The following CACNA1D variants were observed in gnomAD, a reference collection of about 807,000 sequenced individuals.
CACNA1D encodes the protein calcium voltage-gated channel subunit alpha1 D.
In CACNA1D, 55 loss-of-function variants were observed where a neutral mutation model predicts 257.1. The observed-to-expected ratio is 0.21, with a 90% CI of 0.17 to 0.27. CACNA1D has a LOEUF of 0.27. Among genes scored for constraint, CACNA1D ranks in the 10% least tolerant of loss-of-function variants. CACNA1D has a pLI of 1.00. For synonymous variants in CACNA1D, 980 were observed against 1,014.9 expected, an observed-to-expected ratio of 0.97 and a Z score of 0.65; for missense variants, 1,876 against 2,784.0, an observed-to-expected ratio of 0.67 and a Z score of 7.34.
intron 3 of CACNA1D, among the ~76,000 whole-genome samples, chr3:53,650,220 A>AT (rs1290986927): frequency 6.6e-6 from 1 of 152,224 alleles, no homozygotes; most frequent in Admixed American, 6.5e-5. Flanking sequence ...AAAAACTTAT[A>AT]TCCAGAGGAG....
At chr3:53,790,674 G>C (rs1012304600) in intron 40 of CACNA1D, among the ~76,000 whole-genome samples, 3 of 152,236 alleles carry the variant, frequency 2.0e-5, no homozygotes, top group African/African-American at 7.2e-5. Flanking sequence ...GGAGATGTGG[G>C]TGGTATATAA....
Position 53,650,796 on chromosome 3 carries a change from C to G in CACNA1D, c.501C>G (p.Ala167=). Residue 167 remains alanine (A), a synonymous_variant, in exon 4 of 48, where the codon GCC becomes GCG. Transcript: ENST00000350061. ...CTTCACAGGAAAAAGTAGAATATGC[C>G]TTCCTGATTATTTTTACAGTCGAGA... ...TNHNLEKVEY[A]FLIIFTVETF... is the part of the protein sequence containing the mutation. 1 of 1,613,972 alleles carries G rather than the reference C, an allele frequency of 6.2e-7. No homozygotes were observed. Among genetic ancestry groups the G allele is most frequent in the Non-Finnish European group, 8.5e-7 (1 of 1,179,942 alleles).
chr3:53,678,040 A>C (rs765076259), intron 8 of CACNA1D, among the ~76,000 whole-genome samples: 12 of 152,262 alleles, frequency 7.9e-5, no homozygotes, highest in Non-Finnish European at 1.2e-4. Flanking sequence ...GCAAGAAAAG[A>C]ATCGAATCAA....
Position 53,662,431 on chromosome 3 carries a change from C to A in CACNA1D, c.766+2156C>A, listed in dbSNP as rs114269554. ...TACTGTGCTGCTCACTGTTTAACTT[C>A]TTACCTTCTCTTTCCCTGTCCTTCC... On this transcript the variant is annotated intron_variant, in intron 5 of 47. Coordinates refer to ENST00000350061, the MANE Select transcript of CACNA1D (RefSeq NM_001128840.3). Among the ~76,000 whole-genome samples the A allele has an allele frequency of 3.4e-3, 514 of 152,288 alleles. 6 individuals carry two copies. Among genetic ancestry groups the A allele is most frequent in the African/African-American group, 0.012 (489 of 41,562 alleles).
Position 53,774,507 on chromosome 3 carries a change from GAGTT to G in CACNA1D, c.4111-75_4111-72del. ...ACCCTAGCTGGTAAAGATCAAACCTGAGTTAGTTCTAAATTCACATACGGATTTT... is the reference window on the plus strand; with the variant it reads ...ACCCTAGCTGGTAAAGATCAAACCTGAGTTCTAAATTCACATACGGATTTT... On this transcript the variant is annotated intron_variant, in intron 33 of 47. Coordinates refer to ENST00000350061, the MANE Select transcript of CACNA1D (RefSeq NM_001128840.3). This position sits in a 1 kb window ranked among gnomAD's most constrained non-coding sequence, Gnocchi z 4.3. 1.2e-6 allele frequency: 1 copy of G among 850,988 alleles called. No homozygotes were observed. The highest frequency in any genetic ancestry group is 2.4e-5 in the East Asian group (1 of 41,406). The allele number at this position is 850,988 out of a possible 1,614,324, so 52.7% of individuals were successfully genotyped here. A position where few individuals can be genotyped will look rare whatever the true frequency, so the allele number is the denominator to read the frequency against.
intron 9 of CACNA1D, among the ~76,000 whole-genome samples, chr3:53,709,922 C>T (rs2094732244): frequency 6.6e-6 from 1 of 152,198 alleles, no homozygotes; most frequent in Non-Finnish European, 1.5e-5. Flanking sequence ...TATCAGGTAA[C>T]CTGTCCACAG....
chr3:53,597,392 G>A (rs2093383952), intron 3 of CACNA1D, among the ~76,000 whole-genome samples: 1 of 152,346 alleles, frequency 6.6e-6, no homozygotes, highest in South Asian at 2.1e-4. Context: ...AGGGTGAGCA[G>A]TTTGCTCAAG....
chr3:53,561,846 T>C (rs1042328252), intron 3 of CACNA1D, among the ~76,000 whole-genome samples: 14 of 152,258 alleles, frequency 9.2e-5, no homozygotes, highest in African/African-American at 3.1e-4. Context: ...TGTTATAATA[T>C]GAAAATGTTC....
chr3:53,777,353 AGCTGAGCCTTCTCTGTCCT>A (rs1203177163), intron 37 of CACNA1D, among the ~76,000 whole-genome samples: 1 of 152,202 alleles, frequency 6.6e-6, no homozygotes, highest in Non-Finnish European at 1.5e-5. Flanking sequence ...CCCAGGTACA[AGCTGAGCCTTCTCTGTCCT>A]GCTGAGGTCC....
intron 8 of CACNA1D, among the ~76,000 whole-genome samples, chr3:53,690,589 C>T (rs1412468679): frequency 2.0e-5 from 3 of 152,178 alleles, no homozygotes; most frequent in African/African-American, 7.2e-5. Context: ...GTGGGCACTC[C>T]CCCTGCGGGG....
intron 3 of CACNA1D, among the ~76,000 whole-genome samples, chr3:53,555,645 C>T (rs1169822036): frequency 6.6e-6 from 1 of 152,036 alleles, no homozygotes; most frequent in East Asian, 1.9e-4. Context: ...GTCCATTTCT[C>T]ACCACCCCCT....
chr3:53,704,579 A>G (rs1483103453), intron 9 of CACNA1D, among the ~76,000 whole-genome samples: 1 of 152,218 alleles, frequency 6.6e-6, no homozygotes, highest in Non-Finnish European at 1.5e-5. Context: ...CAGTTGAGCC[A>G]ACGTGAACCC....
intron 30 of CACNA1D, among the ~76,000 whole-genome samples, chr3:53,763,051 G>C (rs1478659843): frequency 6.6e-6 from 1 of 152,202 alleles, no homozygotes; most frequent in Admixed American, 6.5e-5. Flanking sequence ...GAGGGCACAG[G>C]CAGGAGACCC....
intron 8 of CACNA1D, among the ~76,000 whole-genome samples, chr3:53,693,189 T>C (rs1443530479): frequency 6.6e-6 from 1 of 152,256 alleles, no homozygotes; most frequent in Non-Finnish European, 1.5e-5. Flanking sequence ...TCATGACTGC[T>C]GCTGGAGAAT....
chr3:53,607,092 G>A (rs2093520328), intron 3 of CACNA1D, among the ~76,000 whole-genome samples: 1 of 152,134 alleles, frequency 6.6e-6, no homozygotes, highest in Non-Finnish European at 1.5e-5. Flanking sequence ...AAAATAACCA[G>A]GTTTTGGCTA....
chr3:53,555,454 GTGTGTGTTTTT>G (rs1244659292), intron 3 of CACNA1D, among the ~76,000 whole-genome samples: 1 of 106,582 alleles, frequency 9.4e-6, no homozygotes, highest in Non-Finnish European at 1.9e-5. Context: ...GTGTGTGTGT[GTGTGTGTTTTT>G]TTTTTTTTTT....
At position 53,786,921 on chromosome 3, in the gene CACNA1D, A is replaced by G. The variant is rs759078326; in HGVS notation, c.4892A>G (p.Tyr1631Cys). 2.5e-6 allele frequency: 4 copies of G among 1,614,052 alleles called. No individual in the cohort carries two copies. The Admixed American group carries it at 5.0e-5, about 20-fold the overall frequency. The change falls in exon 40 of 48, where the codon TAC (tyrosine) becomes TGC (cysteine). Residue 1631 changes from tyrosine (Y) to cysteine (C), a missense_variant. Around this residue, in one of 10 missense-constraint regions of CACNA1D, gnomAD observed 160 missense variants for 236.6 expected, o/e 0.68. Transcript: ENST00000350061. ...KRKEQGLVGK[Y>C]PAKNTTIALQ... The stretch of plus-strand genomic sequence containing the variant: ...AAAGAACAAGGACTGGTGGGAAAGT[A>G]CCCTGCGAAGAACACCACAATTGCC...
At chr3:53,659,609 A>G (rs1464035256) in intron 4 of CACNA1D, among the ~76,000 whole-genome samples, 1 of 152,234 alleles carries the variant, frequency 6.6e-6, no homozygotes, top group Non-Finnish European at 1.5e-5. Context: ...CCTGTGTTCT[A>G]GTGGGGTCCA....
intron 3 of CACNA1D, among the ~76,000 whole-genome samples, chr3:53,648,866 C>G (rs1310029673): frequency 7.0e-6 from 1 of 141,888 alleles, no homozygotes; most frequent in Non-Finnish European, 1.5e-5. Flanking sequence ...ACACACAATT[C>G]GTTCACTAGA....
Sources: allele counts gnomAD v4.1 joint callset (sites outside exome capture counted in the v4.1 genomes callset), GRCh38; gene constraint gnomAD v4.1.1; regional missense constraint gnomAD v4.1.1; non-coding constraint Gnocchi (gnomAD v3.1); transcripts MANE v1.5; gene names NCBI Gene and HGNC (gene_info 2026-07-23, HGNC 2026-07-21).